The following ZNF169 variants were observed in gnomAD, a reference collection of about 807,000 sequenced individuals.
ZNF169 encodes the protein zinc finger protein 169.
In ZNF169, 11 loss-of-function variants were observed where a neutral mutation model predicts 12.0. The observed-to-expected ratio is 0.92, with a 90% CI of 0.58 to 1.52. The LOEUF is 1.52. ZNF169 is among the 40% of genes most tolerant of loss of function. ZNF169 has a pLI of 0.00. For synonymous variants in ZNF169, 302 were observed against 286.5 expected, an observed-to-expected ratio of 1.05 and a Z score of -0.55; for missense variants, 722 against 744.0, an observed-to-expected ratio of 0.97 and a Z score of 0.34.
intron 2 of ZNF169, among the ~76,000 whole-genome samples, chr9:94,282,582 A>G (rs1282883443): frequency 2.0e-5 from 3 of 152,208 alleles, no homozygotes; most frequent in African/African-American, 7.2e-5. Context: ...CAGAGAGGTG[A>G]CTTTGAATAG....
chr9:94,271,526 C>T (rs188410874), intron 1 of ZNF169, among the ~76,000 whole-genome samples: 1 of 152,086 alleles, frequency 6.6e-6, no homozygotes, highest in African/African-American at 2.4e-5. Flanking sequence ...TCCAGACCAC[C>T]CTGGCCAACG....
At position 94,301,055 on chromosome 9, in the gene ZNF169, G is replaced by A. The variant is rs1307992517; in HGVS notation, c.1497G>A (p.Ser499=). The A allele has an allele frequency of 3.1e-6, 5 of 1,612,714 alleles. No individual in the cohort carries two copies. The highest frequency in any genetic ancestry group is 3.4e-6 in the Non-Finnish European group (4 of 1,179,714). The part of the protein sequence containing the change: ...PKCGRAFGFK[S]LLTRHQRTHS... ...GTGGGCGTGCATTTGGCTTTAAGTC[G>A]CTCCTCACCCGACACCAGAGGACAC... is the stretch of plus-strand genomic sequence containing the variant. The change falls in exon 5 of 5, where the codon TCG becomes TCA. Residue 499 remains serine (S), a synonymous_variant. Transcript: ENST00000395395.
Position 94,301,037 on chromosome 9 carries a change from T to C in ZNF169, c.1479T>C (p.Arg493=). The C allele has an allele frequency of 6.2e-7, 1 of 1,613,702 alleles. No individual in the cohort carries two copies. Among genetic ancestry groups the C allele is most frequent in the South Asian group, 1.1e-5 (1 of 91,064 alleles). Residue 493 remains arginine, a synonymous_variant, in exon 5 of 5, where the codon CGT becomes CGC. Transcript: ENST00000395395. ...CTTATCTGTGCCCCAAGTGTGGGCG[T>C]GCATTTGGCTTTAAGTCGCTCCTCA... ...EKPYLCPKCG[R]AFGFKSLLTR...
chr9:94,298,832 A>G (rs1831000882), intron 4 of ZNF169, among the ~76,000 whole-genome samples: 1 of 152,100 alleles, frequency 6.6e-6, no homozygotes, highest in African/African-American at 2.4e-5. Context: ...CCTTTAATTT[A>G]TACCATCATG....
At chr9:94,284,183 G>C (rs1180174265) in intron 2 of ZNF169, among the ~76,000 whole-genome samples, 1 of 151,888 alleles carries the variant, frequency 6.6e-6, no homozygotes, top group African/African-American at 2.4e-5. Flanking sequence ...CCAGCACTTT[G>C]GGAGGCCAAG....
At chr9:94,287,826 A>T in intron 2 of ZNF169, 1 of 1,106,598 alleles carries the variant, frequency 9.0e-7, no homozygotes, top group Non-Finnish European at 1.4e-6. Context: ...TAAACCTCTC[A>T]GGCTGGAGTT....
In ZNF169 at chr9:94,300,792, C is replaced by T. The variant is rs781612317; in HGVS notation, c.1234C>T (p.Arg412Cys). The T allele has an allele frequency of 2.2e-5, 35 of 1,612,028 alleles. No homozygotes were observed. The highest frequency in any genetic ancestry group is 1.7e-4 in the Admixed American group (10 of 59,850). Residue 412 changes from arginine to cysteine, a missense_variant, in exon 5 of 5, where the codon CGC (arginine) becomes TGC (cysteine). Coordinates refer to ENST00000395395, the MANE Select transcript of ZNF169 (RefSeq NM_194320.4). ...YVCAECGHSFRQKVTLIRHQR... is the reference protein window; with the variant it reads ...YVCAECGHSFCQKVTLIRHQR... ...CTGTGCTGAGTGTGGGCACAGCTTT[C>T]GCCAAAAGGTCACTCTCATCAGGCA...
At chr9:94,277,703 G>A (rs547775905) in intron 1 of ZNF169, among the ~76,000 whole-genome samples, 25 of 151,828 alleles carry the variant, frequency 1.6e-4, no homozygotes, top group East Asian at 3.9e-4. Context: ...AGGCCGAGGC[G>A]GGCGGATCAC....
At chr9:94,292,272 G>C in intron 2 of ZNF169, 69 bp from the exon 3 acceptor site, 1 of 1,612,682 alleles carries the variant, frequency 6.2e-7, no homozygotes, top group Non-Finnish European at 8.5e-7. Flanking sequence ...CTTGACTGTG[G>C]TTAGTGGCTT....
intron 1 of ZNF169, among the ~76,000 whole-genome samples, chr9:94,271,008 T>A (rs183252691): frequency 1.5e-5 from 1 of 65,336 alleles, no homozygotes; most frequent in Non-Finnish European, 2.8e-5. Context: ...TTATATATTA[T>A]ATAAATATAC....
chr9:94,285,531 C>T (rs1328014121), intron 2 of ZNF169, among the ~76,000 whole-genome samples: 1 of 151,966 alleles, frequency 6.6e-6, no homozygotes, highest in Non-Finnish European at 1.5e-5. Context: ...GGTAACAAAC[C>T]TACAGATTTT....
chr9:94,282,388 A>G (rs1318238168), intron 2 of ZNF169, among the ~76,000 whole-genome samples: 1 of 152,218 alleles, frequency 6.6e-6, no homozygotes, highest in South Asian at 2.1e-4. Context: ...GACGACGTCA[A>G]TCAATGTATG....
intron 2 of ZNF169, among the ~76,000 whole-genome samples, chr9:94,280,262 GA>G (rs1433808001): frequency 6.6e-6 from 1 of 152,198 alleles, no homozygotes; most frequent in East Asian, 1.9e-4. Context: ...ATCTTTGAGA[GA>G]AAATGTGTAT....
intron 2 of ZNF169, among the ~76,000 whole-genome samples, chr9:94,291,789 G>GA (rs1830844702): frequency 6.6e-6 from 1 of 152,142 alleles, no homozygotes; most frequent in Admixed American, 6.5e-5. Flanking sequence ...TCTGTTTGCA[G>GA]AAAATCACAA....
At chr9:94,272,352 T>A (rs1830438185) in intron 1 of ZNF169, among the ~76,000 whole-genome samples, 1 of 152,130 alleles carries the variant, frequency 6.6e-6, no homozygotes, top group South Asian at 2.1e-4. Context: ...AAGTATACTG[T>A]ATAATATTGT....
intron 2 of ZNF169, chr9:94,288,692 G>T: frequency 6.2e-6 from 2 of 322,600 alleles, no homozygotes; most frequent in Non-Finnish European, 6.0e-6. Context: ...CTTCCCTCTT[G>T]CTCACTTTTT....
chr9:94,268,799 A>AT (rs1286575697), intron 1 of ZNF169, among the ~76,000 whole-genome samples: 1 of 152,000 alleles, frequency 6.6e-6, no homozygotes, highest in African/African-American at 2.4e-5. Context: ...AAAAAAAAAA[A>AT]AAATTTCCAA....
intron 2 of ZNF169, among the ~76,000 whole-genome samples, chr9:94,289,687 C>T (rs1386949832): frequency 1.3e-5 from 2 of 151,824 alleles, no homozygotes; most frequent in Non-Finnish European, 2.9e-5. Context: ...CTACTCAGGA[C>T]GCTGAGGCAG....
intron 2 of ZNF169, among the ~76,000 whole-genome samples, chr9:94,292,062 G>A (rs373146455): frequency 1.3e-4 from 20 of 152,290 alleles, no homozygotes; most frequent in East Asian, 1.2e-3. Context: ...GAGAGGAATC[G>A]GTTTACCTGA....
Sources: gnomAD v4.1 joint callset for allele counts (sites outside exome capture counted in the v4.1 genomes callset) on GRCh38, gnomAD v4.1.1 for gene constraint, MANE v1.5 for transcripts, NCBI Gene and HGNC (gene_info 2026-07-23, HGNC 2026-07-21) for gene names.